Variants in FER observed in about 807,000 individuals in gnomAD.
The protein encoded by FER is tyrosine-protein kinase Fer.
FER carries 63 observed loss-of-function variants against 111.0 expected under a neutral mutation model. That is an observed-to-expected ratio of 0.57 (90% CI 0.46 to 0.70). The LOEUF (loss-of-function observed/expected upper bound fraction) is 0.70, where lower values mean the gene tolerates loss of function less well. Among genes scored for constraint, FER ranks in the 30% least tolerant of loss-of-function variants. The pLI, the probability that FER is intolerant of heterozygous loss-of-function variation, is 0.00. For missense variants in FER, 914 were observed against 954.0 expected, an observed-to-expected ratio of 0.96 and a Z score of 0.55; for synonymous variants, 327 against 313.9, an observed-to-expected ratio of 1.04 and a Z score of -0.44.
intron 16 of FER, chr5:109,052,483 T>G (rs1772981015): frequency 9.8e-7 from 1 of 1,018,560 alleles, no homozygotes; most frequent in African/African-American, 1.6e-5. Flanking sequence ...CTCTTTTGCT[T>G]AAAAGAAGTG....
rs1165401708 is a variant in FER, at chr5:108,879,699, A to ATATATATAT, written c.924-3697_924-3696insTATATATAT. 7.2e-3 allele frequency among the ~76,000 whole-genome samples: 674 copies of ATATATATAT among 93,408 alleles called. 9 individuals carry two copies. Among genetic ancestry groups the ATATATATAT allele is most frequent in the Middle Eastern group, 0.03 (5 of 164 alleles). The allele number at this position is 93,408 out of a possible 152,430, so 61.3% of individuals were successfully genotyped here. ...ATATGTATTTTTTTTAGATTAAAAA[A>ATATATATAT]AAATATATATATATATATATATATA... On this transcript the variant is annotated intron_variant, in intron 8 of 19. Transcript: ENST00000281092.
In FER at chr5:109,188,935, G is replaced by C. The variant is rs1562012338; in HGVS notation, c.*1360G>C. 1 of 152,086 alleles carries C rather than the reference G, an allele frequency of 6.6e-6. No homozygotes were observed. The highest frequency in any genetic ancestry group is 1.5e-5 in the Non-Finnish European group (1 of 68,026). 9.4% of individuals were successfully genotyped at this position (152,086 alleles called of 1,614,324 possible). On this transcript the variant is annotated 3_prime_UTR_variant, in exon 20 of 20. Transcript: ENST00000281092. The stretch of plus-strand genomic sequence containing the variant: ...CATGCGCGTGCACACACACCACCAA[G>C]GTGCAAGACAGATGTGAATGAAGTA...
chr5:109,090,718 C>G (rs1581984251), intron 16 of FER, among the ~76,000 whole-genome samples: 1 of 152,068 alleles, frequency 6.6e-6, no homozygotes, highest in South Asian at 2.1e-4. Flanking sequence ...TAGTGGAATT[C>G]AGCAACAGCC....
chr5:108,981,870 A>G (rs1762046495), intron 13 of FER, among the ~76,000 whole-genome samples: 1 of 152,130 alleles, frequency 6.6e-6, no homozygotes, highest in Non-Finnish European at 1.5e-5. Context: ...TCCAAGTGGC[A>G]TCTAAGAGGA....
chr5:109,135,940 G>A (rs1752849104), intron 17 of FER, among the ~76,000 whole-genome samples: 2 of 151,890 alleles, frequency 1.3e-5, no homozygotes, highest in South Asian at 4.2e-4. Flanking sequence ...GCCATCCCAG[G>A]TCTACCCATA....
At chr5:108,935,911 A>G (rs1278242055) in intron 10 of FER, among the ~76,000 whole-genome samples, 1 of 152,080 alleles carries the variant, frequency 6.6e-6, no homozygotes, top group Non-Finnish European at 1.5e-5. Flanking sequence ...GAGCAATTAA[A>G]TATACATTTA....
intron 3 of FER, among the ~76,000 whole-genome samples, chr5:108,810,179 C>T (rs1429154653): frequency 6.6e-6 from 1 of 152,120 alleles, no homozygotes; most frequent in Non-Finnish European, 1.5e-5. Context: ...TTTGGCTCTG[C>T]CGTATGGACT....
chr5:108,931,437 T>C (rs1754660249), intron 10 of FER, among the ~76,000 whole-genome samples: 1 of 152,188 alleles, frequency 6.6e-6, no homozygotes, highest in Non-Finnish European at 1.5e-5. Context: ...ATCCAAACTT[T>C]CCTGTGTTTA....
intron 13 of FER, among the ~76,000 whole-genome samples, chr5:109,018,913 G>A (rs892122897): frequency 6.6e-6 from 1 of 151,452 alleles, no homozygotes; most frequent in Admixed American, 6.6e-5. Flanking sequence ...GATTACTGTG[G>A]GTAGTACTGC....
At chr5:109,135,319 A>G (rs1010216676) in intron 17 of FER, among the ~76,000 whole-genome samples, 8 of 152,228 alleles carry the variant, frequency 5.3e-5, no homozygotes. Flanking sequence ...CCATTTTTAC[A>G]GATGAGGAAA....
At chr5:108,885,660 T>TTGA (rs1308090766) in intron 9 of FER, among the ~76,000 whole-genome samples, 1 of 151,776 alleles carries the variant, frequency 6.6e-6, no homozygotes, top group East Asian at 1.9e-4. Flanking sequence ...ACTAATCCCA[T>TTGA]TGATAAGGGC....
intron 10 of FER, among the ~76,000 whole-genome samples, chr5:108,933,399 G>A (rs1215951684): frequency 1.3e-5 from 2 of 152,106 alleles, no homozygotes; most frequent in African/African-American, 4.8e-5. Flanking sequence ...AGATTAGATG[G>A]TTATAGATGT....
intron 5 of FER, among the ~76,000 whole-genome samples, chr5:108,862,349 G>C (rs1763605174): frequency 6.6e-6 from 1 of 152,116 alleles, no homozygotes. Context: ...TTACTGAGTT[G>C]AGTGTTGTAT....
intron 17 of FER, among the ~76,000 whole-genome samples, chr5:109,174,663 T>G (rs1757492115): frequency 6.6e-6 from 1 of 152,130 alleles, no homozygotes; most frequent in Non-Finnish European, 1.5e-5. Flanking sequence ...TTTTTATATG[T>G]GTATTATGTA....
chr5:108,924,285 G>T (rs550740978), intron 10 of FER, among the ~76,000 whole-genome samples: 1 of 150,498 alleles, frequency 6.6e-6, no homozygotes, highest in African/African-American at 2.5e-5. Flanking sequence ...ACTTGAACCC[G>T]GGAAGCAGAG....
intron 3 of FER, among the ~76,000 whole-genome samples, chr5:108,807,666 A>G (rs1340907735): frequency 1.3e-5 from 2 of 152,018 alleles, no homozygotes; most frequent in Admixed American, 6.6e-5. Context: ...TGCTATCTTT[A>G]GGGTTAGTTC....
At chr5:108,771,361 A>T (rs550547219) in intron 2 of FER, among the ~76,000 whole-genome samples, 6 of 152,094 alleles carry the variant, frequency 3.9e-5, no homozygotes, top group Admixed American at 3.9e-4. Flanking sequence ...TCCACTTTGC[A>T]TATGGTTATC....
chr5:108,935,600 T>G (rs1001143501), intron 10 of FER, among the ~76,000 whole-genome samples: 1 of 152,114 alleles, frequency 6.6e-6, no homozygotes, highest in African/African-American at 2.4e-5. Context: ...TATCTTCTGT[T>G]TAATTATCAA....
At chr5:109,028,133 A>G (rs1289567398) in intron 13 of FER, among the ~76,000 whole-genome samples, 1 of 152,196 alleles carries the variant, frequency 6.6e-6, no homozygotes, top group Non-Finnish European at 1.5e-5. Context: ...TACAGATTAC[A>G]TAAAGATTAT....
Sources: gnomAD v4.1 joint callset for allele counts (sites outside exome capture counted in the v4.1 genomes callset) on GRCh38, gnomAD v4.1.1 for gene constraint, MANE v1.5 for transcripts, NCBI Gene and HGNC (gene_info 2026-07-23, HGNC 2026-07-21) for gene names.